Variants in ADRA1A observed in about 807,000 individuals in gnomAD.
The protein encoded by ADRA1A is alpha-1A adrenergic receptor.
Under a neutral mutation model 29.6 loss-of-function variants are expected in ADRA1A, and 31 were observed. That is an observed-to-expected ratio of 1.05 (90% CI 0.79 to 1.41). The LOEUF (loss-of-function observed/expected upper bound fraction) is 1.41. Ranked by LOEUF, ADRA1A falls within the 40% of genes most tolerant of loss-of-function variation. The pLI is 0.00. For missense variants in ADRA1A, 619 were observed against 601.1 expected, an observed-to-expected ratio of 1.03 and a Z score of -0.31; for synonymous variants, 311 against 254.3, an observed-to-expected ratio of 1.22 and a Z score of -2.12.
chr8:26,774,974 C>T (rs909131198), intron 2 of ADRA1A, among the ~76,000 whole-genome samples: 1 of 152,196 alleles, frequency 6.6e-6, no homozygotes, highest in Non-Finnish European at 1.5e-5. Context: ...CTGGAGAATG[C>T]TTGTTCCTGG....
chr8:26,789,354 C>T (rs1807642973), intron 2 of ADRA1A, among the ~76,000 whole-genome samples: 1 of 152,162 alleles, frequency 6.6e-6, no homozygotes, highest in Admixed American at 6.5e-5. Flanking sequence ...AGAAATCAAT[C>T]CATGCATTTG....
At chr8:26,798,941 T>G (rs1252871587) in intron 2 of ADRA1A, among the ~76,000 whole-genome samples, 5 of 152,198 alleles carry the variant, frequency 3.3e-5, no homozygotes, top group Non-Finnish European at 5.9e-5. Context: ...CAGGGATATC[T>G]TGCAGAGCAG....
intron 2 of ADRA1A, among the ~76,000 whole-genome samples, chr8:26,861,233 G>A (rs1813429359): frequency 6.6e-6 from 1 of 151,060 alleles, no homozygotes; most frequent in Admixed American, 6.6e-5. Flanking sequence ...TCTTCTCCCT[G>A]GCTACTCCTT....
intron 2 of ADRA1A, among the ~76,000 whole-genome samples, 170 bp from the exon 3 acceptor site, chr8:26,770,836 T>C (rs2130278682): frequency 6.6e-6 from 1 of 152,326 alleles, no homozygotes; most frequent in East Asian, 1.9e-4. Flanking sequence ...GTCACCCTTT[T>C]GCAATATCTT....
chr8:26,778,079 C>T (rs1015726433), intron 2 of ADRA1A, among the ~76,000 whole-genome samples: 2 of 152,226 alleles, frequency 1.3e-5, no homozygotes, highest in African/African-American at 4.8e-5. Flanking sequence ...TCAGGAATTT[C>T]ATCCTGGATG....
downstream of ADRA1A, among the ~76,000 whole-genome samples, chr8:26,762,378 C>G (rs1335872787): frequency 6.6e-6 from 1 of 152,104 alleles, no homozygotes; most frequent in Non-Finnish European, 1.5e-5. This position sits in a 1 kb window ranked among gnomAD's most constrained non-coding sequence, Gnocchi z 4.0. Flanking sequence ...TGTCTCCTGC[C>G]CTGGGCTCTC....
chr8:26,849,891 T>C (rs35105547), intron 2 of ADRA1A, among the ~76,000 whole-genome samples: 3,223 of 151,574 alleles, frequency 0.021, 70 homozygotes, highest in Non-Finnish European at 0.032. Flanking sequence ...GTGCCCACCA[T>C]ATGGAGTGGG....
downstream of ADRA1A, chr8:26,765,972 C>T (rs1157745630): frequency 9.6e-6 from 9 of 941,100 alleles, no homozygotes; most frequent in East Asian, 4.8e-5. Context: ...TAGGAACAAG[C>T]GATGTCACAT....
At position 26,864,801 on chromosome 8, in the gene ADRA1A, G is replaced by A; in HGVS notation, c.169C>T (p.Leu57=). The A allele has an allele frequency of 6.2e-7, 1 of 1,614,192 alleles. No individual in the cohort carries two copies. Among genetic ancestry groups the A allele is most frequent in the Non-Finnish European group, 8.5e-7 (1 of 1,180,038 alleles). ...VILSVACHRH[L]HSVTHYYIVN... ...ATGTAGTAGTGCGTGACTGAGTGCA[G>A]GTGTCGGTGACAGGCTACGGAGAGG... is the stretch of plus-strand genomic sequence containing the variant. Residue 57 remains leucine (L), a synonymous_variant, in exon 2 of 3, where the codon CTG becomes TTG. Transcript: ENST00000380573. The surrounding 1 kb of genome is among the most constrained non-coding windows in gnomAD (Gnocchi z 8.1).
chr8:26,765,762 A>G (rs1805741058), downstream of ADRA1A: 2 of 1,171,098 alleles, frequency 1.7e-6, no homozygotes, highest in African/African-American at 1.6e-5. Flanking sequence ...TCACACACAG[A>G]GGCAGCATCT....
chr8:26,835,246 TA>T (rs754937915), intron 2 of ADRA1A, among the ~76,000 whole-genome samples: 12 of 152,242 alleles, frequency 7.9e-5, no homozygotes, highest in Admixed American at 2.0e-4. Flanking sequence ...CTTACATTTT[TA>T]TAACACTTAA....
At chr8:26,812,207 A>G (rs970882112) in intron 2 of ADRA1A, among the ~76,000 whole-genome samples, 1 of 152,176 alleles carries the variant, frequency 6.6e-6, no homozygotes, top group African/African-American at 2.4e-5. Context: ...TCCTTCTTCG[A>G]CATTCTCATG....
chr8:26,825,184 C>T lies in ADRA1A; in HGVS notation c.883+38903G>A, dbSNP rs999492244. 2.0e-5 allele frequency among the ~76,000 whole-genome samples: 3 copies of T among 152,200 alleles called. No homozygotes were observed. The highest frequency in any genetic ancestry group is 2.9e-5 in the Non-Finnish European group (2 of 68,042). ...CTGAGCTTGCTAGGCCTTCCAGGGCCTCGGTCCCCACATCTGTGTTGGGAG... is the reference window on the plus strand; with the variant it reads ...CTGAGCTTGCTAGGCCTTCCAGGGCTTCGGTCCCCACATCTGTGTTGGGAG... On this transcript the variant is annotated intron_variant, in intron 2 of 2. Transcript: ENST00000380573. The surrounding 1 kb of genome is among the most constrained non-coding windows in gnomAD (Gnocchi z 5.7).
chr8:26,770,649 A>G lies in ADRA1A; in HGVS notation c.901T>C (p.Phe301Leu). ...TTAAAAACTGTTTCAGAGGGCTTGA[A>G]ATCAGGGAAGAAAGACCCTGGAAGA... Reference protein sequence around the residue: ...VMPIGSFFPDFKPSETVFKIV... With the variant: ...VMPIGSFFPDLKPSETVFKIV... The change falls in exon 3 of 3, where the codon TTC (phenylalanine) becomes CTC (leucine). Residue 301 changes from phenylalanine (F) to leucine (L), a missense_variant. Coordinates refer to ENST00000380573, the MANE Select transcript of ADRA1A (RefSeq NM_000680.4). 1.2e-6 allele frequency: 2 copies of G among 1,611,618 alleles called. No individual in the cohort carries two copies. Among genetic ancestry groups the G allele is most frequent in the Non-Finnish European group, 1.7e-6 (2 of 1,178,510 alleles).
At chr8:26,771,170 C>T (rs1806113180) in intron 2 of ADRA1A, among the ~76,000 whole-genome samples, 1 of 152,222 alleles carries the variant, frequency 6.6e-6, no homozygotes, top group African/African-American at 2.4e-5. Flanking sequence ...TGATGAGAAT[C>T]TCAACTTTAC....
chr8:26,762,691 C>A (rs1173265092), downstream of ADRA1A, among the ~76,000 whole-genome samples: 2 of 152,172 alleles, frequency 1.3e-5, no homozygotes, highest in African/African-American at 4.8e-5. This position sits in a 1 kb window ranked among gnomAD's most constrained non-coding sequence, Gnocchi z 4.0. Flanking sequence ...TGCCATGAAG[C>A]ATCAGCCAAA....
chr8:26,770,175 G>C lies in ADRA1A; in HGVS notation c.1375C>G (p.Leu459Val). The change falls in exon 3 of 3, where the codon CTC (leucine) becomes GTC (valine). Residue 459 changes from leucine to valine, a missense_variant. By Grantham distance (32) the Leu-to-Val change is conservative (BLOSUM62 1). Transcript: ENST00000380573. The part of the protein sequence containing the change: ...VPTIKVHTIS[L>V]SENGEEV ...TAGACTTCCTCCCCGTTCTCACTGAGGGAGATGGTGTGGACCTTAATGGTT... is the reference window on the plus strand; with the variant it reads ...TAGACTTCCTCCCCGTTCTCACTGACGGAGATGGTGTGGACCTTAATGGTT... 6.4e-7 allele frequency: 1 copy of C among 1,569,484 alleles called. No homozygotes were observed. Among genetic ancestry groups the C allele is most frequent in the Non-Finnish European group, 8.6e-7 (1 of 1,156,340 alleles).
intron 2 of ADRA1A, chr8:26,779,546 G>C (rs1806803754): frequency 3.4e-6 from 2 of 590,858 alleles, no homozygotes; most frequent in South Asian, 2.2e-5. Context: ...TGACAAGCAG[G>C]ATGATGAAGG....
chr8:26,771,416 CA>C (rs1806133932), intron 2 of ADRA1A, among the ~76,000 whole-genome samples: 1 of 148,508 alleles, frequency 6.7e-6, no homozygotes. Context: ...GGTCATTGAT[CA>C]TTTTTTTTGT....
Sources: gnomAD v4.1 joint callset for allele counts (sites outside exome capture counted in the v4.1 genomes callset) on GRCh38, gnomAD v4.1.1 for gene constraint, Gnocchi (gnomAD v3.1) non-coding constraint, MANE v1.5 for transcripts, NCBI Gene and HGNC (gene_info 2026-07-23, HGNC 2026-07-21) for gene names.